SLC4A4: variants seen among roughly 807,000 people sequenced by gnomAD.
SLC4A4 encodes the protein electrogenic sodium bicarbonate cotransporter 1.
A neutral mutation model predicts 111.5 loss-of-function variants in SLC4A4; 27 were observed. The observed-to-expected ratio is 0.24, with a 90% CI of 0.18 to 0.33. The LOEUF (loss-of-function observed/expected upper bound fraction) is 0.33. SLC4A4 is among the 10% of genes least tolerant of loss of function. SLC4A4 has a pLI of 1.00. For synonymous variants in SLC4A4, 443 were observed against 463.4 expected, an observed-to-expected ratio of 0.96 and a Z score of 0.57; for missense variants, 909 against 1,315.5, an observed-to-expected ratio of 0.69 and a Z score of 4.78.
intron 1 of SLC4A4, among the ~76,000 whole-genome samples, chr4:71,215,705 G>GC (rs1388986578): frequency 6.6e-6 from 1 of 152,140 alleles, no homozygotes; most frequent in Non-Finnish European, 1.5e-5. Context: ...GTAAAGTGGA[G>GC]CTAGTGGTAA....
chr4:71,535,861 A>AAAACAAAC (rs5859268), intron 18 of SLC4A4, among the ~76,000 whole-genome samples: 3 of 151,766 alleles, frequency 2.0e-5, no homozygotes, highest in Non-Finnish European at 2.9e-5. Flanking sequence ...ACAAACAAAC[A>AAAACAAAC]AAACAAACAA....
chr4:71,254,233 T>TA (rs1282871029), intron 2 of SLC4A4, among the ~76,000 whole-genome samples: 1 of 152,220 alleles, frequency 6.6e-6, no homozygotes, highest in Non-Finnish European at 1.5e-5. Context: ...TGGTAGTTCC[T>TA]AAAATACAGA....
At chr4:71,237,807 C>G (rs770201058) in intron 2 of SLC4A4, among the ~76,000 whole-genome samples, 15 of 152,106 alleles carry the variant, frequency 9.9e-5, no homozygotes, top group Non-Finnish European at 1.6e-4. Flanking sequence ...CTCAACTTCC[C>G]GCATTTATGC....
intron 15 of SLC4A4, among the ~76,000 whole-genome samples, chr4:71,489,831 C>T (rs1021095664): frequency 6.6e-6 from 1 of 151,740 alleles, no homozygotes; most frequent in Non-Finnish European, 1.5e-5. Context: ...AAGGCTTGCT[C>T]TCACAGGCCT....
intron 1 of SLC4A4, among the ~76,000 whole-genome samples, chr4:71,071,988 C>T (rs535630787): frequency 8.4e-4 from 128 of 152,278 alleles, no homozygotes; most frequent in Non-Finnish European, 1.5e-3. Flanking sequence ...AGAGCTGGCA[C>T]CAATTTTTAC....
At chr4:71,546,211 A>C (rs1735506135) in intron 18 of SLC4A4, 139 bp from the exon 19 acceptor site, 1 of 719,404 alleles carries the variant, frequency 1.4e-6, no homozygotes, top group African/African-American at 1.7e-5. Context: ...AAGAAGATAA[A>C]GTCCCCTCTT....
chr4:71,364,783 A>G (rs1731099364), intron 6 of SLC4A4, among the ~76,000 whole-genome samples: 1 of 152,228 alleles, frequency 6.6e-6, no homozygotes, highest in African/African-American at 2.4e-5. Context: ...TTATCCAGAA[A>G]TATTTTAGGG....
chr4:71,113,735 A>T (rs1381752683), intron 2 of SLC4A4, among the ~76,000 whole-genome samples: 1 of 152,226 alleles, frequency 6.6e-6, no homozygotes, highest in Admixed American at 6.5e-5. Flanking sequence ...TTAATGTGGC[A>T]TATTGTGTAC....
rs150844121 is a variant in SLC4A4, at chr4:71,198,561, G to C, written c.-2+11160G>C. On this transcript the variant is annotated intron_variant, in intron 1 of 25. Transcript: ENST00000264485. The stretch of plus-strand genomic sequence containing the variant: ...ACACAGAAAGTTATTTGAATGCTTA[G>C]GGTCTTGAACAATGAAGTGTAAAGT... 5.4e-4 allele frequency among the ~76,000 whole-genome samples: 82 copies of C among 152,056 alleles called. 1 individual carries two copies. The highest frequency in any genetic ancestry group is 1.9e-3 in the African/African-American group (78 of 41,454).
At chr4:71,163,473 C>A (rs933451662) in intron 2 of SLC4A4, among the ~76,000 whole-genome samples, 4 of 152,192 alleles carry the variant, frequency 2.6e-5, no homozygotes, top group Non-Finnish European at 5.9e-5. Flanking sequence ...AGTTTTGTTG[C>A]ATTCCAATCA....
intron 13 of SLC4A4, among the ~76,000 whole-genome samples, chr4:71,471,449 G>T (rs1166322075): frequency 6.6e-6 from 1 of 151,864 alleles, no homozygotes. Flanking sequence ...TTACCTGTGG[G>T]TTGGGTAAGA....
chr4:71,458,023 C>T (rs1265264224), intron 12 of SLC4A4, among the ~76,000 whole-genome samples: 2 of 151,338 alleles, frequency 1.3e-5, no homozygotes, highest in African/African-American at 2.4e-5. Flanking sequence ...TTTATTTTTT[C>T]CTATTTTTGA....
chr4:71,438,513 A>G (rs1724375707), intron 7 of SLC4A4, among the ~76,000 whole-genome samples: 1 of 152,254 alleles, frequency 6.6e-6, no homozygotes, highest in Admixed American at 6.5e-5. Flanking sequence ...TGAGTCAGTG[A>G]CAAAACCAAG....
rs1036767684 is a variant in SLC4A4 at position 71,439,462 on chromosome 4, A to G, written c.808-1154A>G. 8.5e-4 allele frequency among the ~76,000 whole-genome samples: 117 copies of G among 138,412 alleles called. 4 individuals are homozygous for G. The highest frequency in any genetic ancestry group is 1.8e-3 in the Admixed American group (26 of 14,122). The allele number at this position is 138,412 out of a possible 152,430, so 90.8% of individuals were successfully genotyped here. On this transcript the variant is annotated intron_variant, in intron 7 of 25. Coordinates refer to ENST00000264485, the MANE Select transcript of SLC4A4 (RefSeq NM_001098484.3). ...AAAAAAAAAAAAAAAAAAAAAAAAAAAAAAAAAAAGAAAAGAAAATCCCCA... is the reference window on the plus strand; with the variant it reads ...AAAAAAAAAAAAAAAAAAAAAAAAAGAAAAAAAAAGAAAAGAAAATCCCCA...
chr4:71,376,156 T>TATATACACACACACAC (rs1553900734), intron 6 of SLC4A4, among the ~76,000 whole-genome samples: 148 of 135,550 alleles, frequency 1.1e-3, no homozygotes, highest in African/African-American at 3.9e-3. Flanking sequence ...CCTGTATATA[T>TATATACACACACACAC]ACACACACAC....
intron 3 of SLC4A4, among the ~76,000 whole-genome samples, chr4:71,328,920 A>G (rs980153629): frequency 1.3e-5 from 2 of 152,062 alleles, no homozygotes; most frequent in Admixed American, 6.6e-5. Context: ...AGTTTCCCCA[A>G]TGTTTTCTTG....
intron 1 of SLC4A4, among the ~76,000 whole-genome samples, chr4:71,201,970 C>G (rs561732387): frequency 1.5e-4 from 23 of 152,290 alleles, no homozygotes; most frequent in African/African-American, 5.5e-4. Context: ...CTTAGATAAG[C>G]AATCTCTGAG....
chr4:71,566,868 C>T (rs2149260744), intron 24 of SLC4A4, 136 bp from the exon 25 acceptor site: 2 of 630,448 alleles, frequency 3.2e-6, no homozygotes, highest in East Asian at 2.9e-5. Flanking sequence ...AGCTTAATAC[C>T]TTGTTTATTG....
intron 20 of SLC4A4, among the ~76,000 whole-genome samples, chr4:71,550,059 T>C (rs1014078521): frequency 2.0e-5 from 3 of 151,920 alleles, no homozygotes; most frequent in African/African-American, 7.2e-5. Flanking sequence ...ATTGTGGCTA[T>C]TTCCACCTGG....
Sources: gnomAD v4.1 joint callset for allele counts (sites outside exome capture counted in the v4.1 genomes callset) on GRCh38, gnomAD v4.1.1 for gene constraint, MANE v1.5 for transcripts, NCBI Gene and HGNC (gene_info 2026-07-23, HGNC 2026-07-21) for gene names.